CC2D2A: variants seen among roughly 807,000 people sequenced by gnomAD.
CC2D2A encodes the protein coiled-coil and C2 domain containing 2A.
A neutral mutation model predicts 212.9 loss-of-function variants in CC2D2A; 155 were observed. The ratio of observed to expected loss-of-function variants is 0.73; its 90% confidence interval spans 0.64 to 0.83. CC2D2A has a LOEUF of 0.83. Ranked by LOEUF, CC2D2A falls within the 40% of genes least tolerant of loss-of-function variation. The pLI, the probability that CC2D2A is intolerant of heterozygous loss-of-function variation, is 0.00. For synonymous variants in CC2D2A, 667 were observed against 686.5 expected (o/e 0.97, Z 0.44); for missense variants, 1,856 against 1,956.2 (o/e 0.95, Z 0.97).
chr4:15,583,975 G>GAAAAT (rs1315284019), intron 30 of CC2D2A, among the ~76,000 whole-genome samples: 1 of 144,038 alleles, frequency 6.9e-6, no homozygotes, highest in African/African-American at 2.6e-5. Flanking sequence ...GAAAAGAAAA[G>GAAAAT]AAAATTACAA....
chr4:15,547,403 A>G (rs1381365245), intron 17 of CC2D2A, among the ~76,000 whole-genome samples: 1 of 152,226 alleles, frequency 6.6e-6, no homozygotes, highest in Non-Finnish European at 1.5e-5. Flanking sequence ...ACACTAGAAC[A>G]TACTCCTTCT....
chr4:15,470,339 T>C (rs1713640218), intron 1 of CC2D2A, among the ~76,000 whole-genome samples: 1 of 152,154 alleles, frequency 6.6e-6, no homozygotes, highest in South Asian at 2.1e-4. Context: ...CAAAGCTCTG[T>C]GAAACATTAG....
intron 3 of CC2D2A, among the ~76,000 whole-genome samples, chr4:15,480,118 A>C (rs993618548): frequency 6.6e-6 from 1 of 152,170 alleles, no homozygotes; most frequent in East Asian, 1.9e-4. Flanking sequence ...GGCTCTTTTT[A>C]TTATTTTTCT....
At chr4:15,544,027 T>C (rs1286668754) in intron 17 of CC2D2A, 6 of 152,200 alleles carry the variant, frequency 3.9e-5, no homozygotes, top group African/African-American at 1.4e-4. Flanking sequence ...TCCATTTGGA[T>C]GGAACATTTA....
Position 15,475,875 on chromosome 4 carries a change from T to C in CC2D2A, c.-18-40T>C. The C allele has an allele frequency of 2.1e-6, 3 of 1,453,800 alleles. No homozygotes were observed. The South Asian group carries it at 3.7e-5, about 18-fold the overall frequency. 90.1% of individuals were successfully genotyped at this position (1,453,800 alleles called of 1,614,324 possible). A position where few individuals can be genotyped will look rare whatever the true frequency, so the allele number is the denominator to read the frequency against. Reference sequence around the variant, plus strand: ...CATAGTAAGAGAAGCAATATTTCATTGATTTCAAAATGCCTGACTTCTTCA... The same window carrying C: ...CATAGTAAGAGAAGCAATATTTCATCGATTTCAAAATGCCTGACTTCTTCA... On this transcript the variant is annotated intron_variant, in intron 1 of 36. Transcript: ENST00000424120.
At position 15,510,130 on chromosome 4, in the gene CC2D2A, C is replaced by T. The variant is rs747673081; in HGVS notation, c.439-9C>T. On this transcript the variant is annotated splice_polypyrimidine_tract_variant and intron_variant, in intron 6 of 36. Transcript: ENST00000424120. ...ATGGTTTATCTATCATTTTTTTCCA[C>T]TCATATAGCCAGGGAAAGAGGTAGA... 4 of 1,598,040 alleles carry T rather than the reference C, an allele frequency of 2.5e-6. No homozygotes were observed. In the South Asian group the frequency reaches 3.3e-5, roughly 13 times the overall value.
intron 30 of CC2D2A, among the ~76,000 whole-genome samples, chr4:15,580,992 T>G (rs1426938603): frequency 3.3e-5 from 5 of 152,228 alleles, no homozygotes; most frequent in African/African-American, 1.2e-4. Flanking sequence ...ATTCTCTGGC[T>G]TCAGAGCACC....
chr4:15,540,207 A>G (rs1453059197), intron 16 of CC2D2A, among the ~76,000 whole-genome samples: 1 of 152,018 alleles, frequency 6.6e-6, no homozygotes, highest in Non-Finnish European at 1.5e-5. Flanking sequence ...TTGAATTGCT[A>G]TTGACTTAAC....
chr4:15,574,458 T>A, intron 29 of CC2D2A, 132 bp downstream of exon 29: 1 of 677,998 alleles, frequency 1.5e-6, no homozygotes, highest in Non-Finnish European at 2.3e-6. Flanking sequence ...TTATTATTCT[T>A]TCAGTTTAGA....
rs1198255389 is a variant in CC2D2A, at chr4:15,590,768, G to A, written c.4314+1089G>A. On this transcript the variant is annotated intron_variant, in intron 33 of 36. Coordinates refer to ENST00000424120, the MANE Select transcript of CC2D2A (RefSeq NM_001378615.1). ...ATTATTTTTCTTTTGAGATAGTTTC[G>A]CTCTGTCGCCTAGGCTGGAGTCCAG... Among the ~76,000 whole-genome samples the A allele has an allele frequency of 6.6e-5, 10 of 152,022 alleles. No homozygotes were observed. The East Asian group carries it at 9.7e-4, about 15-fold the overall frequency.
chr4:15,527,391 C>A (rs1717563367), intron 11 of CC2D2A, 56 bp from the exon 12 acceptor site: 3 of 1,297,692 alleles, frequency 2.3e-6, no homozygotes, highest in Non-Finnish European at 3.3e-6. Context: ...ATTAGAGAAT[C>A]ATTATCTAGT....
At chr4:15,492,923 A>AG in intron 4 of CC2D2A, 1 of 541,418 alleles carries the variant, frequency 1.8e-6, no homozygotes, top group South Asian at 1.5e-5. Flanking sequence ...AATGCCCTTG[A>AG]GGGGGCCCTC....
intron 28 of CC2D2A, among the ~76,000 whole-genome samples, chr4:15,570,821 G>C (rs527614190): frequency 6.6e-6 from 1 of 152,168 alleles, no homozygotes; most frequent in East Asian, 1.9e-4. Context: ...CAGGGAGGCA[G>C]AGGTTGCAGT....
intron 21 of CC2D2A, 133 bp downstream of exon 21, chr4:15,557,640 A>T: frequency 1.8e-6 from 1 of 549,780 alleles, no homozygotes; most frequent in Non-Finnish European, 3.1e-6. Context: ...TTTCACTTTT[A>T]TACATAACCT....
chr4:15,500,107 GTATA>G (rs55743422), intron 4 of CC2D2A, among the ~76,000 whole-genome samples: 9,957 of 112,682 alleles, frequency 0.088, 474 homozygotes, highest in South Asian at 0.14. Flanking sequence ...GTGTGTGTGT[GTATA>G]TATATATATA....
chr4:15,600,909 A>AAC (rs1721559675), intron 36 of CC2D2A, among the ~76,000 whole-genome samples: 1 of 125,242 alleles, frequency 8.0e-6, no homozygotes, highest in Non-Finnish European at 1.8e-5. Context: ...GTCTCAAAAA[A>AAC]AAAAAAAAAA....
chr4:15,585,280 T>C (rs147392611), intron 30 of CC2D2A, among the ~76,000 whole-genome samples: 43 of 152,286 alleles, frequency 2.8e-4, no homozygotes, highest in African/African-American at 1.0e-3. Context: ...AAAGAAAATG[T>C]GGTAAATATA....
At chr4:15,533,957 C>A (rs1159773279) in intron 14 of CC2D2A, among the ~76,000 whole-genome samples, 1 of 152,166 alleles carries the variant, frequency 6.6e-6, no homozygotes, top group Non-Finnish European at 1.5e-5. Context: ...CTGATTCATG[C>A]CTTCATGGGG....
At chr4:15,532,470 ATG>A (rs1414046131) in intron 13 of CC2D2A, among the ~76,000 whole-genome samples, 1 of 152,164 alleles carries the variant, frequency 6.6e-6, no homozygotes, top group African/African-American at 2.4e-5. Flanking sequence ...TCATTTATGT[ATG>A]TGTCCGTCCC....
Sources: gnomAD v4.1 joint callset for allele counts (sites outside exome capture counted in the v4.1 genomes callset) on GRCh38, gnomAD v4.1.1 for gene constraint, MANE v1.5 for transcripts, NCBI Gene and HGNC (gene_info 2026-07-23, HGNC 2026-07-21) for gene names.